Variants in PBX3 observed in about 807,000 individuals in gnomAD.
PBX3 encodes pre-B-cell leukemia transcription factor 3.
In PBX3, 14 loss-of-function variants were observed where a neutral mutation model predicts 48.5. The observed-to-expected ratio is 0.29, with a 90% CI of 0.19 to 0.45. PBX3 has a LOEUF of 0.45. PBX3 is among the 20% of genes least tolerant of loss of function. The pLI is 1.00. For missense variants in PBX3, 386 were observed against 546.7 expected (o/e 0.71, Z 2.93); for synonymous variants, 210 against 200.3 (o/e 1.05, Z -0.41).
intron 5 of PBX3, among the ~76,000 whole-genome samples, chr9:125,956,667 T>C (rs527991023): frequency 2.0e-5 from 3 of 152,360 alleles, no homozygotes; most frequent in African/African-American, 7.2e-5. Flanking sequence ...AGAGTACTTG[T>C]GCTTTTATTC....
At chr9:125,774,373 A>G (rs1391752064) in intron 2 of PBX3, among the ~76,000 whole-genome samples, 2 of 152,178 alleles carry the variant, frequency 1.3e-5, no homozygotes, top group Non-Finnish European at 2.9e-5. Context: ...ACAGATCCAA[A>G]CCATGTCACC....
intron 2 of PBX3, among the ~76,000 whole-genome samples, chr9:125,881,647 CTT>C (rs1564154395): frequency 6.6e-6 from 1 of 151,866 alleles, no homozygotes; most frequent in African/African-American, 2.4e-5. Context: ...GAGACAGGGT[CTT>C]GCTCTGTGTC....
chr9:125,894,999 A>C (rs542004290), intron 2 of PBX3, among the ~76,000 whole-genome samples: 1 of 152,266 alleles, frequency 6.6e-6, no homozygotes, highest in South Asian at 2.1e-4. Flanking sequence ...ATTCTCATTT[A>C]AACAGGCAGA....
chr9:125,881,241 G>A (rs1840373878), intron 2 of PBX3, among the ~76,000 whole-genome samples: 2 of 152,194 alleles, frequency 1.3e-5, no homozygotes, highest in South Asian at 4.1e-4. Flanking sequence ...GGACTTGGGA[G>A]TCCATAAATG....
chr9:125,777,274 A>G (rs116222169), intron 2 of PBX3, among the ~76,000 whole-genome samples: 5,498 of 151,754 alleles, frequency 0.036, 346 homozygotes, highest in African/African-American at 0.12. Context: ...CAGCCACCCA[A>G]CGTGCTAGGA....
At chr9:125,873,410 C>A (rs1840174848) in intron 2 of PBX3, among the ~76,000 whole-genome samples, 1 of 151,984 alleles carries the variant, frequency 6.6e-6, no homozygotes, top group Non-Finnish European at 1.5e-5. Flanking sequence ...ATTTTTTCCT[C>A]AAGAATATGT....
intron 5 of PBX3, among the ~76,000 whole-genome samples, chr9:125,955,403 C>T (rs1181216111): frequency 6.6e-6 from 1 of 152,204 alleles, no homozygotes; most frequent in Non-Finnish European, 1.5e-5. Context: ...CTCTCAGATG[C>T]TACCTTTCCT....
chr9:125,882,707 TTG>T (rs1840410211), intron 2 of PBX3, among the ~76,000 whole-genome samples: 2 of 152,254 alleles, frequency 1.3e-5, no homozygotes, highest in Non-Finnish European at 2.9e-5. Flanking sequence ...AAGTTATATA[TTG>T]AGTTTCTTCA....
chr9:125,908,949 C>T (rs1318439440), intron 2 of PBX3, among the ~76,000 whole-genome samples: 1 of 151,954 alleles, frequency 6.6e-6, no homozygotes, highest in Non-Finnish European at 1.5e-5. Flanking sequence ...AAACATGGCC[C>T]GTTTTTTCCT....
intron 2 of PBX3, among the ~76,000 whole-genome samples, chr9:125,847,684 C>A (rs1317386327): frequency 6.7e-6 from 1 of 148,748 alleles, no homozygotes; most frequent in Non-Finnish European, 1.5e-5. Context: ...TTATCCTTTT[C>A]TTTATTTTCC....
intron 5 of PBX3, among the ~76,000 whole-genome samples, chr9:125,951,259 GA>G (rs1195045850): frequency 6.6e-6 from 1 of 152,210 alleles, no homozygotes; most frequent in Non-Finnish European, 1.5e-5. Context: ...GCAGGGATGA[GA>G]AGGGATAGAG....
intron 6 of PBX3, 37 bp downstream of exon 6, chr9:125,960,886 C>T: frequency 1.2e-6 from 2 of 1,600,694 alleles, no homozygotes; most frequent in Non-Finnish European, 1.7e-6. Context: ...CTGGCCCAGG[C>T]AGCCTTATGC....
chr9:125,942,870 G>A (rs1209939225), intron 5 of PBX3, among the ~76,000 whole-genome samples: 1 of 152,192 alleles, frequency 6.6e-6, no homozygotes, highest in Admixed American at 6.5e-5. Context: ...AAGTACAGAT[G>A]AGGCATATCT....
At chr9:125,766,346 A>G (rs1484503436) in intron 2 of PBX3, among the ~76,000 whole-genome samples, 1 of 152,134 alleles carries the variant, frequency 6.6e-6, no homozygotes, top group Non-Finnish European at 1.5e-5. Flanking sequence ...TTATTTGTAA[A>G]GTAATTTATA....
chr9:125,842,965 C>T (rs577923117), intron 2 of PBX3, among the ~76,000 whole-genome samples: 3 of 151,932 alleles, frequency 2.0e-5, no homozygotes, highest in Non-Finnish European at 4.4e-5. Flanking sequence ...TATGTCAGTT[C>T]TAGCTTTGTA....
intron 2 of PBX3, among the ~76,000 whole-genome samples, chr9:125,890,326 C>T (rs938796580): frequency 6.6e-6 from 1 of 152,164 alleles, no homozygotes; most frequent in African/African-American, 2.4e-5. Context: ...GGTTTTCCCA[C>T]GGTAATTGGC....
intron 2 of PBX3, among the ~76,000 whole-genome samples, chr9:125,811,378 A>G (rs894094031): frequency 2.0e-5 from 3 of 152,110 alleles, no homozygotes; most frequent in African/African-American, 7.2e-5. Context: ...AATTGTAATA[A>G]TCTCCATGTG....
At position 125,795,695 on chromosome 9, in the gene PBX3, A is replaced by G. The variant is rs80124604; in HGVS notation, c.274+47072A>G. 7.3e-4 allele frequency among the ~76,000 whole-genome samples: 111 copies of G among 152,310 alleles called. 2 individuals are homozygous for G. In the East Asian group the frequency reaches 0.018, roughly 24 times the overall value. On this transcript the variant is annotated intron_variant, in intron 2 of 8. Transcript: ENST00000373489. ...TTTGTTTCCTTGGTATTGACACTGT[A>G]AGACCATGGGCCATTAACACCAATA...
intron 2 of PBX3, among the ~76,000 whole-genome samples, chr9:125,822,626 A>C (rs943086340): frequency 6.6e-6 from 1 of 152,196 alleles, no homozygotes; most frequent in African/African-American, 2.4e-5. Flanking sequence ...CTATTTTTAT[A>C]AACATTTTTT....
Sources: gnomAD v4.1 joint callset for allele counts (sites outside exome capture counted in the v4.1 genomes callset) on GRCh38, gnomAD v4.1.1 for gene constraint, MANE v1.5 for transcripts, NCBI Gene and HGNC (gene_info 2026-07-23, HGNC 2026-07-21) for gene names.